BMPR1B: variants seen among roughly 807,000 people sequenced by gnomAD.
BMPR1B encodes the protein bone morphogenetic protein receptor type-1B.
A neutral mutation model predicts 59.1 loss-of-function variants in BMPR1B; 12 were observed. The ratio of observed to expected loss-of-function variants is 0.20; its 90% CI spans 0.13 to 0.33. The LOEUF (loss-of-function observed/expected upper bound fraction) is 0.33. Ranked by LOEUF, BMPR1B falls within the 10% of genes least tolerant of loss-of-function variation. The pLI is 1.00. For synonymous variants in BMPR1B, 237 were observed against 207.3 expected (o/e 1.14, Z -1.23); for missense variants, 550 against 610.9 (o/e 0.90, Z 1.05).
At chr4:94,828,091 A>G (rs1240399040) in intron 1 of BMPR1B, among the ~76,000 whole-genome samples, 3 of 152,224 alleles carry the variant, frequency 2.0e-5, no homozygotes, top group Non-Finnish European at 4.4e-5. Flanking sequence ...TGCCTTACAC[A>G]TTTTATTCGT....
At chr4:94,993,909 A>G (rs1218748910) in intron 2 of BMPR1B, among the ~76,000 whole-genome samples, 1 of 152,180 alleles carries the variant, frequency 6.6e-6, no homozygotes, top group African/African-American at 2.4e-5. Flanking sequence ...CAAAATAAGT[A>G]TCTCTGTGTG....
chr4:94,861,549 A>G (rs892987865), intron 1 of BMPR1B, among the ~76,000 whole-genome samples: 23 of 151,994 alleles, frequency 1.5e-4, no homozygotes, highest in African/African-American at 5.5e-4. Flanking sequence ...GTGAAGATCC[A>G]GGTCAAGCCT....
At chr4:94,870,685 A>T (rs540281809) in intron 1 of BMPR1B, among the ~76,000 whole-genome samples, 3 of 152,258 alleles carry the variant, frequency 2.0e-5, no homozygotes, top group African/African-American at 7.2e-5. Flanking sequence ...ATGGGTTTAC[A>T]TTCTCTGTGG....
At chr4:95,138,913 A>G (rs1734006008) in intron 10 of BMPR1B, among the ~76,000 whole-genome samples, 2 of 152,076 alleles carry the variant, frequency 1.3e-5, no homozygotes, top group Non-Finnish European at 2.9e-5. Context: ...TCTTCTCTCA[A>G]CTCGTCAAAG....
intron 3 of BMPR1B, among the ~76,000 whole-genome samples, chr4:95,046,956 G>A (rs919279495): frequency 1.3e-5 from 2 of 152,202 alleles, no homozygotes; most frequent in Non-Finnish European, 2.9e-5. Flanking sequence ...ACAAGCAGGT[G>A]TATAACCATT....
At chr4:95,074,742 T>C (rs1190897512) in intron 3 of BMPR1B, among the ~76,000 whole-genome samples, 2 of 152,032 alleles carry the variant, frequency 1.3e-5, no homozygotes, top group African/African-American at 4.8e-5. Flanking sequence ...AGTTATGCTG[T>C]TTTTGCTGCT....
At chr4:95,085,605 T>G (rs1729515284) in intron 3 of BMPR1B, among the ~76,000 whole-genome samples, 1 of 152,168 alleles carries the variant, frequency 6.6e-6, no homozygotes. Context: ...TGTGGAATGT[T>G]AGTAATGAAG....
At chr4:95,115,079 A>G (rs555878006) in intron 5 of BMPR1B, among the ~76,000 whole-genome samples, 4 of 152,228 alleles carry the variant, frequency 2.6e-5, no homozygotes, top group East Asian at 1.9e-4. Context: ...TTAATTGCCT[A>G]CAGTATTAAG....
At chr4:94,845,305 G>A (rs1293693958) in intron 1 of BMPR1B, among the ~76,000 whole-genome samples, 1 of 151,506 alleles carries the variant, frequency 6.6e-6, no homozygotes, top group Admixed American at 6.6e-5. Flanking sequence ...TAAATGGTTA[G>A]GTTAGAAAAG....
intron 3 of BMPR1B, among the ~76,000 whole-genome samples, chr4:95,082,029 A>C (rs958270878): frequency 2.6e-5 from 4 of 151,712 alleles, no homozygotes; most frequent in Admixed American, 2.0e-4. Flanking sequence ...CATGTGCACA[A>C]TGTGCAGGTT....
chr4:94,873,305 C>T (rs894879593), intron 1 of BMPR1B, among the ~76,000 whole-genome samples: 5 of 151,992 alleles, frequency 3.3e-5, no homozygotes, highest in African/African-American at 1.2e-4. Flanking sequence ...GCTTTTTTTC[C>T]TTCATCGTTT....
intron 1 of BMPR1B, among the ~76,000 whole-genome samples, chr4:94,867,644 A>G (rs761313377): frequency 6.6e-6 from 1 of 151,996 alleles, no homozygotes; most frequent in Non-Finnish European, 1.5e-5. Context: ...ACTTCATTTC[A>G]CCTAAAGAAA....
At chr4:95,101,394 G>C (rs1730809430) in intron 3 of BMPR1B, among the ~76,000 whole-genome samples, 1 of 152,134 alleles carries the variant, frequency 6.6e-6, no homozygotes, top group Non-Finnish European at 1.5e-5. Context: ...TCTCCTGCAG[G>C]GGTAGGAAAG....
intron 4 of BMPR1B, among the ~76,000 whole-genome samples, chr4:95,105,773 G>A (rs1380439481): frequency 5.3e-5 from 8 of 151,990 alleles, no homozygotes; most frequent in Admixed American, 3.9e-4. Context: ...AAGGTAAAAC[G>A]ATTCCAAAGC....
chr4:94,946,908 C>T (rs1729737022), intron 2 of BMPR1B, among the ~76,000 whole-genome samples: 1 of 151,932 alleles, frequency 6.6e-6, no homozygotes, highest in African/African-American at 2.4e-5. Flanking sequence ...AAAAATTAGC[C>T]AGGTGTGGTG....
chr4:94,879,821 C>T (rs1726886002), intron 2 of BMPR1B, among the ~76,000 whole-genome samples: 1 of 151,806 alleles, frequency 6.6e-6, no homozygotes, highest in African/African-American at 2.4e-5. Flanking sequence ...CTATACTACA[C>T]AGTGAAAAAT....
chr4:94,839,963 C>T (rs1268846760), intron 1 of BMPR1B, among the ~76,000 whole-genome samples: 2 of 151,352 alleles, frequency 1.3e-5, no homozygotes, highest in Non-Finnish European at 2.9e-5. Flanking sequence ...CTGGTGGTGA[C>T]AAAAATCTCT....
At chr4:95,013,052 TTTGTC>T (rs1466564733) in intron 3 of BMPR1B, among the ~76,000 whole-genome samples, 2 of 151,988 alleles carry the variant, frequency 1.3e-5, no homozygotes, top group Non-Finnish European at 1.5e-5. Flanking sequence ...TTTTTAATGT[TTTGTC>T]TTATGTTAAA....
intron 3 of BMPR1B, among the ~76,000 whole-genome samples, chr4:95,036,873 C>T (rs562765162): frequency 9.9e-5 from 15 of 152,124 alleles, no homozygotes; most frequent in East Asian, 9.7e-4. Context: ...ACATCCTTGT[C>T]GGCATTTGTT....
Sources: allele counts gnomAD v4.1 joint callset (sites outside exome capture counted in the v4.1 genomes callset), GRCh38; gene constraint gnomAD v4.1.1; transcripts MANE v1.5; gene names NCBI Gene and HGNC (gene_info 2026-07-23, HGNC 2026-07-21).